Variants in TUBGCP3 observed in about 807,000 individuals in gnomAD.
TUBGCP3 encodes the protein gamma-tubulin complex component 3.
TUBGCP3 carries 50 observed loss-of-function variants against 123.1 expected under a neutral mutation model. That is an observed-to-expected ratio of 0.41 (90% CI 0.32 to 0.51). The LOEUF (loss-of-function observed/expected upper bound fraction) is 0.51, where lower values mean the gene tolerates loss of function less well. Ranked by LOEUF, TUBGCP3 falls within the 20% of genes least tolerant of loss-of-function variation. The probability of loss-of-function intolerance (pLI) is 0.36; values close to 1 mark genes in which losing one functional copy is unlikely to be tolerated. For synonymous variants in TUBGCP3, 405 were observed against 413.9 expected (o/e 0.98, Z 0.26); for missense variants, 882 against 1,127.0 (o/e 0.78, Z 3.11).
At chr13:112,587,577 C>A (rs1450956278) in intron 1 of TUBGCP3, among the ~76,000 whole-genome samples, 1 of 152,246 alleles carries the variant, frequency 6.6e-6, no homozygotes, top group Admixed American at 6.5e-5. Flanking sequence ...CTGACGGACC[C>A]GCGAGCGGAG....
At chr13:112,584,308 G>C (rs141373895) in intron 1 of TUBGCP3, 2 of 152,252 alleles carry the variant, frequency 1.3e-5, no homozygotes, top group African/African-American at 4.8e-5. Flanking sequence ...AGAAATTTAA[G>C]CCAAAACAAT....
chr13:112,567,921 T>C (rs910912969), intron 2 of TUBGCP3, among the ~76,000 whole-genome samples: 5 of 151,260 alleles, frequency 3.3e-5, no homozygotes, highest in African/African-American at 4.9e-5. Context: ...TTCTAGAAAG[T>C]GTTATTACTG....
chr13:112,487,128 GAAGAACACGCCT>G (rs765415184), intron 21 of TUBGCP3, among the ~76,000 whole-genome samples: 106 of 151,488 alleles, frequency 7.0e-4, no homozygotes, highest in Non-Finnish European at 1.4e-3. Context: ...GGTGAGGGAA[GAAGAACACGCCT>G]AAGAAGTTAT....
At chr13:112,553,660 C>T (rs1879780529) in intron 8 of TUBGCP3, among the ~76,000 whole-genome samples, 1 of 152,230 alleles carries the variant, frequency 6.6e-6, no homozygotes, top group African/African-American at 2.4e-5. Context: ...CACCGTGCTG[C>T]CTGGGGAATC....
At chr13:112,512,603 C>T (rs897232294) in intron 17 of TUBGCP3, among the ~76,000 whole-genome samples, 3 of 151,898 alleles carry the variant, frequency 2.0e-5, no homozygotes, top group South Asian at 4.2e-4. Context: ...GGCGTTGTGG[C>T]GGGCACCTGT....
chr13:112,546,280 CTT>C (rs540037531), intron 10 of TUBGCP3: 42 of 172,306 alleles, frequency 2.4e-4, no homozygotes, highest in African/African-American at 9.7e-4. Context: ...CATCCTTGTA[CTT>C]TTTTTTTGGT....
chr13:112,488,185 A>G (rs972751821), intron 21 of TUBGCP3, among the ~76,000 whole-genome samples: 8 of 150,490 alleles, frequency 5.3e-5, no homozygotes, highest in Admixed American at 2.7e-4. Context: ...CTAGATGCCC[A>G]CAGAAAGAGC....
rs1247391937 is a variant in TUBGCP3 at position 112,524,824 on chromosome 13, T to C, written c.1555+2118A>G. Among the ~76,000 whole-genome samples the C allele has an allele frequency of 6.6e-6, 1 of 151,838 alleles. No homozygotes were observed. Among genetic ancestry groups the C allele is most frequent in the African/African-American group, 2.4e-5 (1 of 41,302 alleles). On this transcript the variant is annotated intron_variant, in intron 13 of 21. Coordinates refer to ENST00000261965, the MANE Select transcript of TUBGCP3 (RefSeq NM_006322.6). The surrounding 1 kb of genome is among the most constrained non-coding windows in gnomAD (Gnocchi z 4.4). Reference sequence around the variant, plus strand: ...ATTCGGCCCTGACTTTTAACCAGAGTTTCAGTATAGCATTTCCAATACATG... The same window carrying C: ...ATTCGGCCCTGACTTTTAACCAGAGCTTCAGTATAGCATTTCCAATACATG...
intron 8 of TUBGCP3, among the ~76,000 whole-genome samples, chr13:112,548,424 G>A (rs975669263): frequency 2.0e-5 from 3 of 152,036 alleles, no homozygotes; most frequent in Non-Finnish European, 2.9e-5. Flanking sequence ...AAATATATAT[G>A]GTATAGTTTT....
rs773680992 is a variant in TUBGCP3 at position 112,545,777 on chromosome 13, G to A, written c.1257C>T (p.Leu419=). Residue 419 remains leucine, a synonymous_variant, in exon 11 of 22, where the codon CTC becomes CTT. Coordinates refer to ENST00000261965, the MANE Select transcript of TUBGCP3 (RefSeq NM_006322.6). The surrounding 1 kb of genome is among the most constrained non-coding windows in gnomAD (Gnocchi z 4.1). The part of the protein sequence containing the change: ...PYMRSLVQHI[L]SLVSHPVLSF... ...TCAAAACAGGATGAGACACGAGGCT[G>A]AGGATGTGCTGCACCAGAGACCGCA... 17 of 1,614,212 alleles carry A rather than the reference G, an allele frequency of 1.1e-5. No homozygotes were observed. Among genetic ancestry groups the A allele is most frequent in the Non-Finnish European group, 1.4e-5 (17 of 1,180,026 alleles).
chr13:112,592,697 A>T (rs1882903050), upstream of TUBGCP3, among the ~76,000 whole-genome samples: 1 of 152,206 alleles, frequency 6.6e-6, no homozygotes, highest in East Asian at 1.9e-4. The surrounding 1 kb of genome is among the most constrained non-coding windows in gnomAD (Gnocchi z 4.1). Context: ...GAGGTACCTA[A>T]GACAGGCCTC....
intron 20 of TUBGCP3, among the ~76,000 whole-genome samples, chr13:112,491,318 T>C (rs1427335115): frequency 6.6e-6 from 1 of 152,234 alleles, no homozygotes; most frequent in Non-Finnish European, 1.5e-5. Context: ...TTATCTTTCA[T>C]AGTCTGTAAG....
intron 13 of TUBGCP3, among the ~76,000 whole-genome samples, chr13:112,522,789 C>T (rs575994649): frequency 6.6e-6 from 1 of 152,334 alleles, no homozygotes; most frequent in East Asian, 1.9e-4. Flanking sequence ...AACCGTAAAT[C>T]TCACCAAAAC....
intron 1 of TUBGCP3, among the ~76,000 whole-genome samples, chr13:112,575,541 A>C (rs1881742801): frequency 6.6e-6 from 1 of 152,220 alleles, no homozygotes; most frequent in Non-Finnish European, 1.5e-5. Context: ...AGTAATCCAA[A>C]GGGCAAGTGA....
At chr13:112,588,245 C>T (rs937219756), upstream of TUBGCP3, 2 of 324,838 alleles carry the variant, frequency 6.2e-6, no homozygotes, top group African/African-American at 4.3e-5. Flanking sequence ...TGCATTCCCC[C>T]TGCTGCTGCC....
At chr13:112,550,464 T>C (rs1316783036) in intron 8 of TUBGCP3, among the ~76,000 whole-genome samples, 1 of 151,998 alleles carries the variant, frequency 6.6e-6, no homozygotes, top group Non-Finnish European at 1.5e-5. Flanking sequence ...AAAAGTGAGG[T>C]GTGCAAGAAG....
chr13:112,572,318 T>G (rs1459348165), intron 1 of TUBGCP3, among the ~76,000 whole-genome samples: 1 of 152,170 alleles, frequency 6.6e-6, no homozygotes, highest in African/African-American at 2.4e-5. Context: ...ACGTGCAGGT[T>G]TGTTACACAG....
At chr13:112,538,966 T>C (rs1878285297) in intron 11 of TUBGCP3, among the ~76,000 whole-genome samples, 1 of 152,164 alleles carries the variant, frequency 6.6e-6, no homozygotes, top group Non-Finnish European at 1.5e-5. Context: ...TTAGAGTAAA[T>C]TAAAGAGAAC....
At chr13:112,601,035 A>G in the TUBGCP3 span, among the ~76,000 whole-genome samples, 1 of 152,090 alleles carries the variant, frequency 6.6e-6, no homozygotes, top group South Asian at 2.1e-4. Context: ...TCAAAACACA[A>G]AAATTAGTCA....
Sources: allele counts gnomAD v4.1 joint callset (sites outside exome capture counted in the v4.1 genomes callset), GRCh38; gene constraint gnomAD v4.1.1; non-coding constraint Gnocchi (gnomAD v3.1); transcripts MANE v1.5; gene names NCBI Gene and HGNC (gene_info 2026-07-23, HGNC 2026-07-21).